Variants in PRKN observed in about 807,000 individuals in gnomAD.
PRKN encodes E3 ubiquitin-protein ligase parkin.
In PRKN, 56 loss-of-function variants were observed where a neutral mutation model predicts 59.5. The observed-to-expected ratio is 0.94, with a 90% CI of 0.76 to 1.18. PRKN has a LOEUF of 1.18. Among genes scored for constraint, PRKN ranks in the 50% most tolerant of loss-of-function variants. The pLI is 0.00. For missense variants in PRKN, 657 were observed against 596.4 expected (o/e 1.10, Z -1.06); for synonymous variants, 250 against 222.1 (o/e 1.13, Z -1.12).
At chr6:161,611,581 G>C (rs1157525269) in intron 7 of PRKN, among the ~76,000 whole-genome samples, 2 of 152,160 alleles carry the variant, frequency 1.3e-5, no homozygotes, top group African/African-American at 2.4e-5. Context: ...CCACATAAGA[G>C]GGTGGACTGA....
intron 8 of PRKN, among the ~76,000 whole-genome samples, chr6:161,564,547 C>T (rs1033364341): frequency 3.3e-5 from 5 of 152,182 alleles, no homozygotes; most frequent in African/African-American, 4.8e-5. Flanking sequence ...GACACTACTT[C>T]GCCTGCAGCA....
intron 7 of PRKN, among the ~76,000 whole-genome samples, chr6:161,779,623 T>G (rs1790119456): frequency 6.6e-6 from 1 of 151,738 alleles, no homozygotes; most frequent in Non-Finnish European, 1.5e-5. Flanking sequence ...TTTTGTATTT[T>G]TAGTAGAGAC....
intron 1 of PRKN, among the ~76,000 whole-genome samples, chr6:162,536,522 C>T (rs1778727283): frequency 1.3e-5 from 2 of 152,078 alleles, no homozygotes; most frequent in African/African-American, 2.4e-5. Flanking sequence ...TTTCTTGCTG[C>T]ATCTCCTTCG....
chr6:161,900,519 C>T (rs1042754393), intron 6 of PRKN, among the ~76,000 whole-genome samples: 88 of 120,438 alleles, frequency 7.3e-4, no homozygotes, highest in African/African-American at 2.8e-3. Context: ...ATTATATATA[C>T]AACATATCTT....
intron 2 of PRKN, among the ~76,000 whole-genome samples, chr6:162,365,490 G>A (rs200935226): frequency 2.0e-5 from 3 of 151,990 alleles, no homozygotes; most frequent in Non-Finnish European, 2.9e-5. Flanking sequence ...ACTATAGCCC[G>A]TGGACTCTTA....
chr6:161,876,986 T>A (rs1794754275), intron 6 of PRKN, among the ~76,000 whole-genome samples: 1 of 152,202 alleles, frequency 6.6e-6, no homozygotes, highest in South Asian at 2.1e-4. Flanking sequence ...TGACTAGAAC[T>A]GCTCATTTGC....
chr6:162,415,040 G>A (rs568600072), intron 2 of PRKN, among the ~76,000 whole-genome samples: 13 of 152,210 alleles, frequency 8.5e-5, no homozygotes, highest in Admixed American at 2.6e-4. Context: ...ATGGCAAAAT[G>A]CTAGTAAACA....
chr6:161,751,277 T>C (rs1788682527), intron 7 of PRKN, among the ~76,000 whole-genome samples: 1 of 152,138 alleles, frequency 6.6e-6, no homozygotes, highest in Non-Finnish European at 1.5e-5. Flanking sequence ...ACATCGTCTG[T>C]TTGGTTTCCT....
At chr6:162,357,249 A>C (rs1335513956) in intron 2 of PRKN, among the ~76,000 whole-genome samples, 2 of 152,194 alleles carry the variant, frequency 1.3e-5, no homozygotes, top group Admixed American at 6.5e-5. Flanking sequence ...AGTATCCAAG[A>C]TATACAAAGA....
At chr6:162,531,889 G>A (rs139904588) in intron 1 of PRKN, among the ~76,000 whole-genome samples, 2,029 of 148,584 alleles carry the variant, frequency 0.014, 17 homozygotes, top group Non-Finnish European at 0.021. Context: ...GCAGTGAGCC[G>A]AGATTGTGCC....
intron 6 of PRKN, among the ~76,000 whole-genome samples, chr6:161,907,037 C>CGTGT (rs1190650064): frequency 6.6e-6 from 1 of 152,100 alleles, no homozygotes; most frequent in Non-Finnish European, 1.5e-5. Context: ...TGGGAACACC[C>CGTGT]TCACAGACAC....
At chr6:161,911,861 A>G (rs1173565408) in intron 6 of PRKN, among the ~76,000 whole-genome samples, 2 of 152,216 alleles carry the variant, frequency 1.3e-5, no homozygotes, top group East Asian at 3.9e-4. Flanking sequence ...AAGTGCGAAA[A>G]ATCAAAGAAA....
rs1382055028 is a variant in PRKN, at chr6:161,655,883, CAT to C, written c.872-86469_872-86468del. Among the ~76,000 whole-genome samples the C allele has an allele frequency of 6.5e-3, 306 of 46,946 alleles. 2 individuals carry two copies. Among genetic ancestry groups the C allele is most frequent in the African/African-American group, 0.053 (291 of 5,474 alleles). The allele number at this position is 46,946 out of a possible 152,430, so 30.8% of individuals were successfully genotyped here. A position where few individuals can be genotyped will look rare whatever the true frequency, so the allele number is the denominator to read the frequency against. On this transcript the variant is annotated intron_variant, in intron 7 of 11. Transcript: ENST00000366898. ...ACACACATGCACACACACACACACA[CAT>C]ACACACACACACACACACACACACA...
chr6:162,623,986 C>T (rs1782778720), intron 1 of PRKN, among the ~76,000 whole-genome samples: 1 of 152,110 alleles, frequency 6.6e-6, no homozygotes, highest in African/African-American at 2.4e-5. Context: ...TGGTGTCTCA[C>T]ACCTGTAATC....
chr6:161,840,822 A>G (rs1245519090), intron 6 of PRKN, among the ~76,000 whole-genome samples: 1 of 152,140 alleles, frequency 6.6e-6, no homozygotes, highest in South Asian at 2.1e-4. Context: ...TCCACATGGT[A>G]TATACGTACC....
chr6:161,854,418 C>T (rs569755246), intron 6 of PRKN, among the ~76,000 whole-genome samples: 28 of 152,066 alleles, frequency 1.8e-4, no homozygotes, highest in East Asian at 9.7e-4. Context: ...GAGGGACAAC[C>T]GCCAAAAATG....
rs560075877 is a variant in PRKN, at chr6:161,787,807, G to A, written c.735-1899C>T. The stretch of plus-strand genomic sequence containing the variant: ...CAAAAATACAAAAAATTAGCCCGGC[G>A]TGGTGGCGGGCGCCTGTAATCCCAG... On this transcript the variant is annotated intron_variant, in intron 6 of 11. Coordinates refer to ENST00000366898, the MANE Select transcript of PRKN (RefSeq NM_004562.3). Among the ~76,000 whole-genome samples, 10 of 152,254 alleles carry A rather than the reference G, an allele frequency of 6.6e-5. No individual in the cohort carries two copies. In the South Asian group the frequency reaches 1.0e-3, roughly 16 times the overall value.
intron 7 of PRKN, among the ~76,000 whole-genome samples, chr6:161,719,163 C>T (rs1380480692): frequency 6.6e-6 from 1 of 151,840 alleles, no homozygotes; most frequent in Admixed American, 6.6e-5. Flanking sequence ...GGATTGCCAA[C>T]ATTCTCGAGT....
At chr6:162,449,382 TTC>T in intron 1 of PRKN, among the ~76,000 whole-genome samples, 1 of 152,310 alleles carries the variant, frequency 6.6e-6, no homozygotes, top group South Asian at 2.1e-4. Context: ...AGCAATCTAT[TTC>T]CCTACCCAAT....
Sources: gnomAD v4.1 joint callset for allele counts (sites outside exome capture counted in the v4.1 genomes callset) on GRCh38, gnomAD v4.1.1 for gene constraint, MANE v1.5 for transcripts, NCBI Gene and HGNC (gene_info 2026-07-23, HGNC 2026-07-21) for gene names.